Variants in ABCC1 observed in about 807,000 individuals in gnomAD.
The protein encoded by ABCC1 is ATP binding cassette subfamily C member 1 (ABCC1 blood group).
A neutral mutation model predicts 172.9 loss-of-function variants in ABCC1; 83 were observed. That is an observed-to-expected ratio of 0.48 (90% confidence interval 0.40 to 0.58). ABCC1 has a LOEUF of 0.58. ABCC1 is among the 20% of genes least tolerant of loss of function. ABCC1 has a pLI of 0.00. For missense variants in ABCC1, 1,817 were observed against 2,002.7 expected (o/e 0.91, Z 1.77); for synonymous variants, 937 against 825.2 (o/e 1.14, Z -2.32).
chr16:16,008,002 TGG>T lies in ABCC1; in HGVS notation c.225+15_225+16del. 1 of 578,118 alleles carries T rather than the reference TGG, an allele frequency of 1.7e-6. No individual in the cohort carries two copies. Among genetic ancestry groups the T allele is most frequent in the Non-Finnish European group, 2.9e-6 (1 of 344,618 alleles). 35.8% of individuals were successfully genotyped at this position (578,118 alleles called of 1,614,324 possible). A position where few individuals can be genotyped will look rare whatever the true frequency, so the allele number is the denominator to read the frequency against. ...CAACAAAACCAAAACTGTAAGTCAC[TGG>T]GGGGTTTCGTTGTGGGGGGTGGGAA... On this transcript the variant is annotated intron_variant, in intron 2 of 30. Transcript: ENST00000399410.
In ABCC1 at chr16:16,125,860, C is replaced by A. The variant is rs765851529; in HGVS notation, c.3768C>A (p.Thr1256=). Residue 1256 remains threonine, a synonymous_variant, in exon 26 of 31, where the codon ACC becomes ACA. Coordinates refer to ENST00000399410, the MANE Select transcript of ABCC1 (RefSeq NM_004996.4). ...TTCGGATGTCATCTGAAATGGAAAC[C>A]AACATCGTGGCCGTGGAGAGGCTCA... is the stretch of plus-strand genomic sequence containing the variant. ...WLVRMSSEME[T]NIVAVERLKE... 9 of 1,613,930 alleles carry A rather than the reference C, an allele frequency of 5.6e-6. No homozygotes were observed. Among genetic ancestry groups the A allele is most frequent in the Middle Eastern group, 3.3e-4 (2 of 6,084 alleles).
At chr16:15,983,338 G>A (rs1396051005) in intron 1 of ABCC1, among the ~76,000 whole-genome samples, 1 of 152,136 alleles carries the variant, frequency 6.6e-6, no homozygotes, top group East Asian at 1.9e-4. Context: ...TGTGGGGATT[G>A]TGATCCATCC....
rs763241822 is a variant in ABCC1 at position 15,963,441 on chromosome 16, AC to A, written c.48+13646del. On this transcript the variant is annotated intron_variant, in intron 1 of 30. Coordinates refer to ENST00000399410, the MANE Select transcript of ABCC1 (RefSeq NM_004996.4). ...GTGGGGACTCTGTGTGGGGGCTCTG[AC>A]CCCATATTTCCCTTCTTTACTGCAT... 1.1e-4 allele frequency among the ~76,000 whole-genome samples: 17 copies of A among 152,200 alleles called. No homozygotes were observed. The East Asian group carries it at 2.1e-3, about 19-fold the overall frequency.
intron 19 of ABCC1, among the ~76,000 whole-genome samples, chr16:16,099,797 CA>C (rs2051643553): frequency 6.6e-6 from 1 of 152,062 alleles, no homozygotes; most frequent in Non-Finnish European, 1.5e-5. Context: ...AAAAAGCCAA[CA>C]GGGGGCCAGG....
chr16:15,955,954 T>C (rs2045988171), intron 1 of ABCC1, among the ~76,000 whole-genome samples: 1 of 152,022 alleles, frequency 6.6e-6, no homozygotes, highest in Admixed American at 6.6e-5. Context: ...CCCCATGTAG[T>C]TGAAAATTTA....
Position 16,014,492 on chromosome 16 carries a change from T to G in ABCC1, c.353T>G (p.Leu118Arg). 6.2e-7 allele frequency: 1 copy of G among 1,613,782 alleles called. No homozygotes were observed. Among genetic ancestry groups the G allele is most frequent in the Non-Finnish European group, 8.5e-7 (1 of 1,179,884 alleles). ...CCTGTCTTGTGCTTCTCTCCTCAGC[T>G]GCTTGCTACCTTTTTAATTCAGCTG... is the stretch of plus-strand genomic sequence containing the variant. ...VSPTLLGITMLLATFLIQLER... is the reference protein window; with the variant it reads ...VSPTLLGITMRLATFLIQLER... The change falls in exon 4 of 31, where the codon CTG becomes CGG. Residue 118 changes from leucine (L) to arginine (R), a missense_variant and splice_region_variant. Transcript: ENST00000399410.
intron 23 of ABCC1, 68 bp downstream of exon 23, chr16:16,115,144 C>A: frequency 6.6e-7 from 1 of 1,507,264 alleles, no homozygotes; most frequent in South Asian, 1.3e-5. Flanking sequence ...TTACCTAAAG[C>A]CTTGTTTTAT....
At chr16:16,005,133 A>G (rs1391090432) in intron 1 of ABCC1, among the ~76,000 whole-genome samples, 2 of 146,178 alleles carry the variant, frequency 1.4e-5, no homozygotes, top group African/African-American at 5.1e-5. Flanking sequence ...GTTCCTTGAC[A>G]CTCCATGGGG....
intron 1 of ABCC1, among the ~76,000 whole-genome samples, chr16:16,005,156 C>A (rs562074889): frequency 6.8e-6 from 1 of 148,064 alleles, no homozygotes; most frequent in Non-Finnish European, 1.5e-5. Flanking sequence ...CTCAGGTGAT[C>A]GTGGGAGGGC....
intron 4 of ABCC1, 115 bp downstream of exon 4, chr16:16,014,743 C>T: frequency 8.1e-7 from 1 of 1,236,370 alleles, no homozygotes; most frequent in Non-Finnish European, 1.1e-6. Context: ...GGCTGGGTAC[C>T]ACATGCACCT....
intron 5 of ABCC1, among the ~76,000 whole-genome samples, chr16:16,019,704 T>C (rs1039192567): frequency 2.6e-5 from 4 of 152,160 alleles, no homozygotes; most frequent in Non-Finnish European, 5.9e-5. Context: ...AGATCTGACT[T>C]GGACCTTTTT....
chr16:16,117,199 C>CA (rs2044923378), intron 23 of ABCC1, among the ~76,000 whole-genome samples: 1 of 152,196 alleles, frequency 6.6e-6, no homozygotes, highest in African/African-American at 2.4e-5. Flanking sequence ...AATTGACTCA[C>CA]AGTTCCGCAT....
intron 17 of ABCC1, 83 bp downstream of exon 17, chr16:16,083,625 A>T: frequency 6.5e-7 from 1 of 1,537,452 alleles, no homozygotes; most frequent in Admixed American, 1.7e-5. Flanking sequence ...GTGGGCTGTG[A>T]GTCTGCTGCT....
chr16:16,056,166 G>A lies in ABCC1; in HGVS notation c.1548G>A (p.Lys516=), dbSNP rs971555967. The change falls in exon 12 of 31, where the codon AAG becomes AAA. Residue 516 remains lysine, a synonymous_variant. Transcript: ENST00000399410. ...NEILNGIKVL[K]LYAWELAFKD... The stretch of plus-strand genomic sequence containing the variant: ...TTCTCAATGGGATCAAAGTGCTAAA[G>A]CTTTATGCCTGGGAGCTGGCATTCA... 6.2e-7 allele frequency: 1 copy of A among 1,614,100 alleles called. No homozygotes were observed.
At chr16:16,024,541 T>C (rs2048307480) in intron 5 of ABCC1, among the ~76,000 whole-genome samples, 1 of 152,068 alleles carries the variant, frequency 6.6e-6, no homozygotes, top group Non-Finnish European at 1.5e-5. Flanking sequence ...TTGGTAGAGA[T>C]GGGGTTTCTG....
intron 1 of ABCC1, among the ~76,000 whole-genome samples, chr16:15,960,789 T>C (rs1182677898): frequency 6.6e-6 from 1 of 152,028 alleles, no homozygotes; most frequent in Non-Finnish European, 1.5e-5. Context: ...GTTAAAGTAT[T>C]GAGGAGTTTA....
intron 5 of ABCC1, among the ~76,000 whole-genome samples, chr16:16,021,688 C>T (rs1404296724): frequency 1.3e-5 from 2 of 152,150 alleles, no homozygotes; most frequent in Non-Finnish European, 2.9e-5. Flanking sequence ...GTCTGGGCAA[C>T]AGACTGAGAC....
chr16:16,138,513 T>C lies in ABCC1; in HGVS notation c.4442T>C (p.Val1481Ala), dbSNP rs1242654489. The C allele has an allele frequency of 6.4e-7, 1 of 1,561,318 alleles. No individual in the cohort carries two copies. The stretch of plus-strand genomic sequence containing the variant: ...CGGACACAGTTCGAGGACTGCACCG[T>C]CCTCACCATCGCCCACCGGCTCAAC... The part of the protein sequence containing the change: ...TIRTQFEDCT[V>A]LTIAHRLNTI... The change falls in exon 30 of 31, where the codon GTC becomes GCC. Residue 1481 changes from valine to alanine, a missense_variant. Physicochemically the swap from Val to Ala is moderately conservative, Grantham distance 64 (BLOSUM62 0). Coordinates refer to ENST00000399410, the MANE Select transcript of ABCC1 (RefSeq NM_004996.4).
chr16:16,048,104 G>A (rs778401467), intron 9 of ABCC1, 38 bp from the exon 10 acceptor site: 9 of 1,610,622 alleles, frequency 5.6e-6, no homozygotes, highest in Middle Eastern at 1.8e-4. Context: ...CTCTTCAGCT[G>A]CCACACTCAC....
Sources: gnomAD v4.1 joint callset for allele counts (sites outside exome capture counted in the v4.1 genomes callset) on GRCh38, gnomAD v4.1.1 for gene constraint, MANE v1.5 for transcripts, NCBI Gene and HGNC (gene_info 2026-07-23, HGNC 2026-07-21) for gene names.